The following SIM1 variants were observed in gnomAD, a reference collection of about 807,000 sequenced individuals.
The protein encoded by SIM1 is SIM bHLH transcription factor 1.
A neutral mutation model predicts 78.2 loss-of-function variants in SIM1; 18 were observed. The observed-to-expected ratio is 0.23, with a 90% CI of 0.16 to 0.34. The LOEUF (loss-of-function observed/expected upper bound fraction) is 0.34. SIM1 is among the 10% of genes least tolerant of loss of function. The pLI is 1.00. For missense variants in SIM1, 939 were observed against 975.1 expected (o/e 0.96, Z 0.49); for synonymous variants, 417 against 385.2 (o/e 1.08, Z -0.97).
At position 100,386,313 on chromosome 6, in the gene SIM1, A is replaced by G. The variant is rs1212535520; in HGVS notation, c.*4048T>C. The G allele has an allele frequency of 6.6e-6, 1 of 151,974 alleles. No individual in the cohort carries two copies. The highest frequency in any genetic ancestry group is 2.4e-5 in the African/African-American group (1 of 41,410). 9.4% of individuals were successfully genotyped at this position (151,974 alleles called of 1,614,324 possible). Reference sequence around the variant, plus strand: ...TGACCCCAAAATGGTCAAATGCTCAATTTTCCAAATATCAGCATTCACTCT... The same window carrying G: ...TGACCCCAAAATGGTCAAATGCTCAGTTTTCCAAATATCAGCATTCACTCT... On this transcript the variant is annotated 3_prime_UTR_variant, in exon 12 of 12. Transcript: ENST00000369208.
At chr6:100,414,514 T>C (rs1036275719) in intron 10 of SIM1, among the ~76,000 whole-genome samples, 1 of 152,224 alleles carries the variant, frequency 6.6e-6, no homozygotes, top group African/African-American at 2.4e-5. Context: ...AATAATCTCC[T>C]AAAATTTCAA....
In SIM1 at chr6:100,446,641, C is replaced by T. The variant is rs116694604; in HGVS notation, c.998+627G>A. Reference sequence around the variant, plus strand: ...CTGCAGCCTCCCTGTCATTCGCGCCCGCAGGTGGCACCCAGAGCTCCGCTC... The same window carrying T: ...CTGCAGCCTCCCTGTCATTCGCGCCTGCAGGTGGCACCCAGAGCTCCGCTC... On this transcript the variant is annotated intron_variant, in intron 9 of 11. Transcript: ENST00000369208. 6.8e-3 allele frequency among the ~76,000 whole-genome samples: 1,037 copies of T among 152,310 alleles called. 18 individuals carry two copies. The highest frequency in any genetic ancestry group is 0.024 in the African/African-American group (980 of 41,566).
rs559660148 is a variant in SIM1, at chr6:100,455,411, G to A, written c.176-1567C>T. ...CCTGGACCGTTCTGGAAGGGCCCCC[G>A]CCACAGCCACCTGTACACACCCCTT... On this transcript the variant is annotated intron_variant, in intron 2 of 11. Coordinates refer to ENST00000369208, the MANE Select transcript of SIM1 (RefSeq NM_005068.3). Among the ~76,000 whole-genome samples, 105 of 152,238 alleles carry A rather than the reference G, an allele frequency of 6.9e-4. 1 individual carries two copies. The South Asian group carries it at 0.021, about 31-fold the overall frequency.
At chr6:100,454,367 G>T (rs1021134385) in intron 2 of SIM1, among the ~76,000 whole-genome samples, 1 of 152,160 alleles carries the variant, frequency 6.6e-6, no homozygotes, top group African/African-American at 2.4e-5. Context: ...CCTCCCCTTG[G>T]CTTCTGGCTT....
At chr6:100,430,404 G>A (rs1295309750) in intron 9 of SIM1, among the ~76,000 whole-genome samples, 1 of 151,968 alleles carries the variant, frequency 6.6e-6, no homozygotes, top group Admixed American at 6.6e-5. Flanking sequence ...TTCAAATGAG[G>A]CATATATTTA....
At position 100,388,591 on chromosome 6, in the gene SIM1, T is replaced by G. The variant is rs1021013790; in HGVS notation, c.*1770A>C. ...TATCGTTCAGATTGTCACCTACCTATGGACTGTGAAATAACTGTGTTAAAT... is the reference window on the plus strand; with the variant it reads ...TATCGTTCAGATTGTCACCTACCTAGGGACTGTGAAATAACTGTGTTAAAT... On this transcript the variant is annotated 3_prime_UTR_variant, in exon 12 of 12. Coordinates refer to ENST00000369208, the MANE Select transcript of SIM1 (RefSeq NM_005068.3). The G allele has an allele frequency of 6.6e-6, 1 of 152,174 alleles. No individual in the cohort carries two copies. Among genetic ancestry groups the G allele is most frequent in the Non-Finnish European group, 1.5e-5 (1 of 68,018 alleles). 9.4% of individuals were successfully genotyped at this position (152,174 alleles called of 1,614,324 possible). A position where few individuals can be genotyped will look rare whatever the true frequency, so the allele number is the denominator to read the frequency against.
intron 4 of SIM1, 70 bp downstream of exon 4, chr6:100,450,197 C>G (rs1026230888): frequency 6.7e-6 from 9 of 1,352,438 alleles, no homozygotes; most frequent in Non-Finnish European, 9.5e-6. Flanking sequence ...GCCCCCAACC[C>G]AGCCCCCTAC....
At chr6:100,462,052 C>A (rs1170291218) in intron 2 of SIM1, among the ~76,000 whole-genome samples, 1 of 151,960 alleles carries the variant, frequency 6.6e-6, no homozygotes, top group South Asian at 2.1e-4. Context: ...TAATTTGGAG[C>A]ATGTTTTGCA....
intron 11 of SIM1, among the ~76,000 whole-genome samples, chr6:100,392,135 T>C (rs1194315044): frequency 6.6e-6 from 1 of 152,144 alleles, no homozygotes; most frequent in Non-Finnish European, 1.5e-5. Flanking sequence ...GATCGCGCCA[T>C]TGCACTCCAG....
chr6:100,422,996 T>C, intron 9 of SIM1, among the ~76,000 whole-genome samples: 1 of 152,162 alleles, frequency 6.6e-6, no homozygotes, highest in South Asian at 2.1e-4. Flanking sequence ...AATGCAAGCT[T>C]TCTTTTAAAA....
intron 10 of SIM1, among the ~76,000 whole-genome samples, chr6:100,406,915 A>G (rs764618568): frequency 1.3e-5 from 2 of 151,104 alleles, no homozygotes; most frequent in Non-Finnish European, 3.0e-5. Context: ...CATGCTCTAC[A>G]TTAGATCCCC....
At chr6:100,446,333 G>C (rs2114537538) in intron 9 of SIM1, among the ~76,000 whole-genome samples, 1 of 152,192 alleles carries the variant, frequency 6.6e-6, no homozygotes, top group Admixed American at 6.5e-5. Context: ...CTAAGTGCCT[G>C]GTGTGTCAAC....
At chr6:100,438,309 T>C (rs902586881) in intron 9 of SIM1, among the ~76,000 whole-genome samples, 35 of 152,078 alleles carry the variant, frequency 2.3e-4, no homozygotes, top group African/African-American at 7.7e-4. Flanking sequence ...AGGACATAAA[T>C]AGACATTTCT....
At chr6:100,421,059 C>G in intron 9 of SIM1, 101 bp from the exon 10 acceptor site, 1 of 1,299,536 alleles carries the variant, frequency 7.7e-7, no homozygotes. Context: ...GAAAAGAAGG[C>G]AAGCAAAAGT....
intron 10 of SIM1, among the ~76,000 whole-genome samples, chr6:100,409,530 A>G (rs11966912): frequency 3.0e-4 from 46 of 151,886 alleles, no homozygotes; most frequent in African/African-American, 1.1e-3. Context: ...TCCATTCTCT[A>G]TTTCATTTAC....
chr6:100,460,291 T>C (rs902830633), intron 2 of SIM1, among the ~76,000 whole-genome samples: 2 of 152,164 alleles, frequency 1.3e-5, no homozygotes, highest in Non-Finnish European at 2.9e-5. Context: ...GGAAATTGCC[T>C]GTATTTAAGG....
intron 10 of SIM1, among the ~76,000 whole-genome samples, chr6:100,409,147 A>T (rs1367271668): frequency 6.6e-6 from 1 of 152,082 alleles, no homozygotes; most frequent in Non-Finnish European, 1.5e-5. Flanking sequence ...GTACATGTGC[A>T]CAACGTGCAG....
intron 2 of SIM1, among the ~76,000 whole-genome samples, chr6:100,456,978 T>C (rs1479330148): frequency 1.3e-5 from 2 of 152,200 alleles, no homozygotes; most frequent in African/African-American, 4.8e-5. Flanking sequence ...AAAATTGACC[T>C]AATCCCACAG....
chr6:100,458,665 ACAC>A (rs892360946), intron 2 of SIM1, among the ~76,000 whole-genome samples: 4 of 152,138 alleles, frequency 2.6e-5, no homozygotes, highest in African/African-American at 9.7e-5. Context: ...AGGATGGGAC[ACAC>A]CGCGCAGACC....
Sources: allele counts gnomAD v4.1 joint callset (sites outside exome capture counted in the v4.1 genomes callset), GRCh38; gene constraint gnomAD v4.1.1; transcripts MANE v1.5; gene names NCBI Gene and HGNC (gene_info 2026-07-23, HGNC 2026-07-21).